Variants in KIF6 observed in about 807,000 individuals in gnomAD.
KIF6 encodes kinesin family member 6.
A neutral mutation model predicts 112.7 loss-of-function variants in KIF6; 106 were observed. That is an observed-to-expected ratio of 0.94 (90% CI 0.80 to 1.11). The LOEUF (loss-of-function observed/expected upper bound fraction) is 1.11. KIF6 is among the 50% of genes least tolerant of loss of function. The pLI is 0.00. For missense variants in KIF6, 929 were observed against 964.0 expected, an observed-to-expected ratio of 0.96 and a Z score of 0.48; for synonymous variants, 339 against 339.9, an observed-to-expected ratio of 1.00 and a Z score of 0.03.
intron 3 of KIF6, among the ~76,000 whole-genome samples, chr6:39,708,753 G>A (rs1411765192): frequency 6.6e-6 from 1 of 152,088 alleles, no homozygotes; most frequent in Non-Finnish European, 1.5e-5. Context: ...AGACTTCATA[G>A]TTTTCCTCCC....
At chr6:39,625,968 G>C (rs1171100710) in intron 5 of KIF6, among the ~76,000 whole-genome samples, 4 of 152,106 alleles carry the variant, frequency 2.6e-5, no homozygotes, top group African/African-American at 9.7e-5. Context: ...AAGAGATTTA[G>C]GGCAGGGAGT....
At chr6:39,703,085 C>T (rs1788973404) in intron 3 of KIF6, among the ~76,000 whole-genome samples, 1 of 51,494 alleles carries the variant, frequency 1.9e-5, no homozygotes, top group South Asian at 6.9e-4. Context: ...ACCCCCCACC[C>T]CCACTCCCGG....
chr6:39,540,966 G>T (rs1458072944), intron 12 of KIF6, among the ~76,000 whole-genome samples: 2 of 152,170 alleles, frequency 1.3e-5, no homozygotes, highest in African/African-American at 2.4e-5. Context: ...ACGATGCCTA[G>T]AACTCTAAGA....
rs573085942 is a variant in KIF6, at chr6:39,630,959, C to T, written c.509+3890G>A. Among the ~76,000 whole-genome samples the T allele has an allele frequency of 2.6e-5, 4 of 151,988 alleles. No individual in the cohort carries two copies. In the South Asian group the frequency reaches 8.3e-4, roughly 32 times the overall value. ...ATTTTTATTCTTTAGACTGTTCATG[C>T]CATGGACTACATTAATTGATTTTTG... On this transcript the variant is annotated intron_variant, in intron 5 of 22. Coordinates refer to ENST00000287152, the MANE Select transcript of KIF6 (RefSeq NM_145027.6).
chr6:39,371,043 G>T (rs147855964), intron 16 of KIF6, among the ~76,000 whole-genome samples: 1 of 152,202 alleles, frequency 6.6e-6, no homozygotes, highest in Non-Finnish European at 1.5e-5. Flanking sequence ...CTCTCTGGAA[G>T]AAAAAAGCCC....
chr6:39,360,639 C>T, intron 17 of KIF6, 109 bp from the exon 18 acceptor site: 1 of 1,297,984 alleles, frequency 7.7e-7, no homozygotes, highest in Non-Finnish European at 1.1e-6. Context: ...TCAGAGCTGC[C>T]CTGGTGCTCA....
chr6:39,720,738 C>T lies in KIF6; in HGVS notation c.140G>A (p.Gly47Glu), dbSNP rs907421174. The change falls in exon 2 of 23, where the codon GGG becomes GAG. Residue 47 changes from glycine (G) to glutamate (E), a missense_variant. Gly to Glu is a moderately conservative substitution (Grantham distance 98). Transcript: ENST00000287152. ...EIILPRDLADGFVNNKRESYK... is the reference protein window; with the variant it reads ...EIILPRDLADEFVNNKRESYK... ...GCTTTCTCGCTTATTATTCACAAAC[C>T]CATCTGCCAAATCACGTGGTAAGAT... 4 of 1,608,104 alleles carry T rather than the reference C, an allele frequency of 2.5e-6. No homozygotes were observed. Among genetic ancestry groups the T allele is most frequent in the Middle Eastern group, 1.7e-4 (1 of 6,052 alleles).
chr6:39,394,114 A>G (rs1581754728), intron 15 of KIF6, among the ~76,000 whole-genome samples: 1 of 152,190 alleles, frequency 6.6e-6, no homozygotes, highest in Non-Finnish European at 1.5e-5. Context: ...AATATCTACA[A>G]TGCTATGACA....
chr6:39,683,400 G>C (rs553539239), intron 3 of KIF6, among the ~76,000 whole-genome samples: 15 of 152,278 alleles, frequency 9.9e-5, no homozygotes, highest in African/African-American at 2.6e-4. Context: ...AGAATGACTG[G>C]AGCCATTTAC....
chr6:39,670,026 A>C (rs62403335), intron 3 of KIF6, among the ~76,000 whole-genome samples: 4,177 of 152,294 alleles, frequency 0.027, 88 homozygotes, highest in South Asian at 0.055. Context: ...GCTACCAGGC[A>C]TCAATTCAGA....
chr6:39,404,641 T>C (rs1287719996), intron 15 of KIF6, among the ~76,000 whole-genome samples: 1 of 152,202 alleles, frequency 6.6e-6, no homozygotes, highest in Non-Finnish European at 1.5e-5. Flanking sequence ...AAAATTATTC[T>C]AGCTATTCTA....
chr6:39,685,921 C>A (rs1167196155), intron 3 of KIF6, among the ~76,000 whole-genome samples: 1 of 152,192 alleles, frequency 6.6e-6, no homozygotes, highest in Admixed American at 6.5e-5. Context: ...AAATTAAACT[C>A]ACAGATACTG....
At position 39,349,631 on chromosome 6, in the gene KIF6, C is replaced by CTTTTTTTTTTTTT. The variant is rs58810898; in HGVS notation, c.2181-3118_2181-3106dup. Among the ~76,000 whole-genome samples the CTTTTTTTTTTTTT allele has an allele frequency of 1.9e-3, 124 of 64,558 alleles. 15 individuals are homozygous for CTTTTTTTTTTTTT. In the East Asian group the frequency reaches 0.024, roughly 13 times the overall value. The allele number at this position is 64,558 out of a possible 152,430, so 42.4% of individuals were successfully genotyped here. Reference sequence around the variant, plus strand: ...GAAGGTCTAGGTTTAATTTGTGGCTCTTTTTTTTTTTTTTTTTTTTTTTTT... The same window carrying CTTTTTTTTTTTTT: ...GAAGGTCTAGGTTTAATTTGTGGCTCTTTTTTTTTTTTTTTTTTTTTTTTTTTTTTTTTTTTTT... On this transcript the variant is annotated intron_variant, in intron 19 of 22. Transcript: ENST00000287152.
rs754495890 is a variant in KIF6, at chr6:39,480,349, C to A, written c.1646-49188G>T. Among the ~76,000 whole-genome samples, 8 of 152,216 alleles carry A rather than the reference C, an allele frequency of 5.3e-5. No homozygotes were observed. The East Asian group carries it at 9.6e-4, about 18-fold the overall frequency. ...TTTTAATTCTGTTTATATGGCGTAT[C>A]ATATTTATTGACTTGCGCATGTTAA... On this transcript the variant is annotated intron_variant, in intron 13 of 22. Transcript: ENST00000287152.
intron 13 of KIF6, among the ~76,000 whole-genome samples, chr6:39,524,347 T>C (rs535564093): frequency 6.6e-5 from 10 of 152,304 alleles, no homozygotes; most frequent in East Asian, 1.9e-4. Flanking sequence ...CATATTACTA[T>C]AGAGTTACAT....
chr6:39,690,804 A>C (rs933743470), intron 3 of KIF6: 6 of 152,456 alleles, frequency 3.9e-5, no homozygotes, highest in African/African-American at 1.4e-4. Context: ...CAGCAAGGGG[A>C]GAACAGAGCA....
intron 13 of KIF6, among the ~76,000 whole-genome samples, chr6:39,472,549 T>C (rs1402163215): frequency 1.3e-5 from 2 of 152,170 alleles, no homozygotes; most frequent in Non-Finnish European, 2.9e-5. Flanking sequence ...TTTTGCAGAA[T>C]GAAAAGTCAA....
chr6:39,601,321 C>A (rs1157955122), intron 6 of KIF6, among the ~76,000 whole-genome samples: 1 of 152,062 alleles, frequency 6.6e-6, no homozygotes, highest in Non-Finnish European at 1.5e-5. Flanking sequence ...TAGTCTCTCC[C>A]TTCTAGTCTC....
intron 3 of KIF6, among the ~76,000 whole-genome samples, chr6:39,683,095 G>C (rs536695485): frequency 3.3e-5 from 5 of 152,254 alleles, no homozygotes; most frequent in Non-Finnish European, 5.9e-5. Flanking sequence ...GTAGAGGCCA[G>C]ATGGCAGGGT....
Sources: gnomAD v4.1 joint callset for allele counts (sites outside exome capture counted in the v4.1 genomes callset) on GRCh38, gnomAD v4.1.1 for gene constraint, MANE v1.5 for transcripts, NCBI Gene and HGNC (gene_info 2026-07-23, HGNC 2026-07-21) for gene names.